Variants in IGSF11 observed in about 807,000 individuals in gnomAD.
IGSF11 encodes CXADR like 1.
A neutral mutation model predicts 41.0 loss-of-function variants in IGSF11; 22 were observed. The ratio of observed to expected loss-of-function variants is 0.54; its 90% CI spans 0.38 to 0.77. The LOEUF (loss-of-function observed/expected upper bound fraction) is 0.77, where lower values mean the gene tolerates loss of function less well. Ranked by LOEUF, IGSF11 falls within the 30% of genes least tolerant of loss-of-function variation. The pLI is 0.00. For synonymous variants in IGSF11, 219 were observed against 201.3 expected, an observed-to-expected ratio of 1.09 and a Z score of -0.74; for missense variants, 444 against 530.8, an observed-to-expected ratio of 0.84 and a Z score of 1.61.
intron 1 of IGSF11, among the ~76,000 whole-genome samples, chr3:119,094,891 C>T (rs536362273): frequency 6.6e-5 from 10 of 151,984 alleles, no homozygotes; most frequent in African/African-American, 1.9e-4. Context: ...AGGCTGGTCT[C>T]GAACACCTGA....
intron 1 of IGSF11, among the ~76,000 whole-genome samples, chr3:119,134,120 CAA>C (rs2077522860): frequency 6.6e-6 from 1 of 152,142 alleles, no homozygotes; most frequent in Non-Finnish European, 1.5e-5. Flanking sequence ...ACTGAATGGG[CAA>C]AAACTGGAAG....
chr3:119,095,781 A>G (rs1046550382), intron 1 of IGSF11, among the ~76,000 whole-genome samples: 2 of 152,192 alleles, frequency 1.3e-5, no homozygotes, highest in African/African-American at 4.8e-5. Context: ...CACAGTTAGC[A>G]AGCCTATTCT....
At chr3:119,094,301 C>T (rs1342797808) in intron 1 of IGSF11, among the ~76,000 whole-genome samples, 1 of 127,742 alleles carries the variant, frequency 7.8e-6, no homozygotes, top group Non-Finnish European at 1.6e-5. Context: ...GGTTGTTGTA[C>T]CAAAAAATGA....
At chr3:118,969,316 G>A (rs1933095322) in intron 1 of IGSF11, among the ~76,000 whole-genome samples, 1 of 152,204 alleles carries the variant, frequency 6.6e-6, no homozygotes, top group East Asian at 1.9e-4. Flanking sequence ...GGCAAAAAAA[G>A]AGGAAGGAGA....
chr3:119,023,109 T>C (rs1939457283), intron 1 of IGSF11, among the ~76,000 whole-genome samples: 1 of 151,446 alleles, frequency 6.6e-6, no homozygotes. Context: ...TAAAAATACA[T>C]AAATCAGCCA....
intron 1 of IGSF11, among the ~76,000 whole-genome samples, chr3:118,995,360 A>T (rs1334206456): frequency 6.6e-6 from 1 of 151,374 alleles, no homozygotes. Context: ...ACAGGCAATG[A>T]TCACCGTTTA....
At chr3:119,068,911 ATTTTCTTTTTT>A (rs1274388420) in intron 1 of IGSF11, among the ~76,000 whole-genome samples, 5 of 90,836 alleles carry the variant, frequency 5.5e-5, no homozygotes, top group East Asian at 3.4e-4. Context: ...GACAATGGTT[ATTTTCTTTTTT>A]TTTTCTTTTT....
At chr3:119,045,384 A>G (rs1013534266) in intron 1 of IGSF11, among the ~76,000 whole-genome samples, 4 of 152,206 alleles carry the variant, frequency 2.6e-5, no homozygotes, top group African/African-American at 9.6e-5. Context: ...AGGGGTGACG[A>G]ACGGCACCTG....
At chr3:118,926,000 A>T in intron 4 of IGSF11, 101 bp downstream of exon 4, 1 of 826,182 alleles carries the variant, frequency 1.2e-6, no homozygotes, top group Non-Finnish European at 1.8e-6. Flanking sequence ...TTCAGCAGTT[A>T]TAGGGTGTTA....
At chr3:118,925,483 T>C (rs544346769) in intron 4 of IGSF11, among the ~76,000 whole-genome samples, 1 of 152,314 alleles carries the variant, frequency 6.6e-6, no homozygotes, top group South Asian at 2.1e-4. Flanking sequence ...ATTCTATATC[T>C]TCCCCTCATT....
chr3:119,111,345 C>T (rs975638252), intron 1 of IGSF11, among the ~76,000 whole-genome samples: 3 of 152,196 alleles, frequency 2.0e-5, no homozygotes, highest in African/African-American at 7.2e-5. Flanking sequence ...TTCATTTCAT[C>T]TTCCATCACT....
intron 1 of IGSF11, chr3:118,946,931 G>A (rs1258169723): frequency 6.6e-6 from 1 of 152,202 alleles, no homozygotes; most frequent in African/African-American, 2.4e-5. Context: ...CTTAGCTAAA[G>A]GGTTGAGAAA....
intron 1 of IGSF11, among the ~76,000 whole-genome samples, chr3:119,047,614 C>G: frequency 6.6e-6 from 1 of 152,112 alleles, no homozygotes; most frequent in Non-Finnish European, 1.5e-5. Context: ...CAAGGATACC[C>G]AGGAATTGAA....
At chr3:119,088,120 AT>A (rs2076706173) in intron 1 of IGSF11, among the ~76,000 whole-genome samples, 1 of 152,046 alleles carries the variant, frequency 6.6e-6, no homozygotes, top group South Asian at 2.1e-4. Flanking sequence ...CAGAATATAC[AT>A]TTTTCTCATC....
upstream of IGSF11, chr3:119,034,931 C>A (rs1032846368): frequency 1.1e-5 from 9 of 787,134 alleles, no homozygotes; most frequent in Admixed American, 3.8e-4. Context: ...CTCGCCGCGC[C>A]GCCCACTCGC....
chr3:118,928,925 T>C (rs576270543), intron 2 of IGSF11, among the ~76,000 whole-genome samples: 3 of 152,310 alleles, frequency 2.0e-5, no homozygotes, highest in African/African-American at 7.2e-5. Context: ...TAGAATAATA[T>C]TTTTTCCTTA....
intron 1 of IGSF11, among the ~76,000 whole-genome samples, chr3:119,051,290 C>G (rs945376854): frequency 6.6e-6 from 1 of 151,638 alleles, no homozygotes; most frequent in African/African-American, 2.4e-5. Context: ...ATATTCCATG[C>G]AAATGGAAAC....
intron 4 of IGSF11, among the ~76,000 whole-genome samples, chr3:118,920,676 C>G (rs17491031): frequency 0.011 from 1,640 of 152,168 alleles, 33 homozygotes; most frequent in East Asian, 0.066. Context: ...TAATGACACA[C>G]ACTCAAAATG....
intron 1 of IGSF11, among the ~76,000 whole-genome samples, chr3:119,052,445 G>T (rs912942468): frequency 8.1e-5 from 12 of 147,592 alleles, no homozygotes; most frequent in South Asian, 2.2e-4. Flanking sequence ...AAGGGAGGGA[G>T]GGAGGAAGAG....
Sources: allele counts gnomAD v4.1 joint callset (sites outside exome capture counted in the v4.1 genomes callset), GRCh38; gene constraint gnomAD v4.1.1; transcripts MANE v1.5; gene names NCBI Gene and HGNC (gene_info 2026-07-23, HGNC 2026-07-21).